The following ZNF568 variants were observed in gnomAD, a reference collection of about 807,000 sequenced individuals.
ZNF568 encodes the protein zinc finger protein 568, also known as p53 inhibitor of SCO2 activation.
In ZNF568, 11 loss-of-function variants were observed where a neutral mutation model predicts 18.1. The observed-to-expected ratio is 0.61, with a 90% CI of 0.38 to 1.00. ZNF568 has a LOEUF of 1.00. Ranked by LOEUF, ZNF568 falls within the 50% of genes least tolerant of loss-of-function variation. The pLI, the probability that ZNF568 is intolerant of heterozygous loss-of-function variation, is 0.01. For synonymous variants in ZNF568, 213 were observed against 246.6 expected, an observed-to-expected ratio of 0.86 and a Z score of 1.28; for missense variants, 639 against 768.2, an observed-to-expected ratio of 0.83 and a Z score of 1.99.
In ZNF568 at chr19:36,937,076, G is replaced by C. The variant is rs1433150445; in HGVS notation, c.263-71G>C. 3 of 1,505,384 alleles carry C rather than the reference G, an allele frequency of 2.0e-6. No individual in the cohort carries two copies. In the East Asian group the frequency reaches 6.8e-5, roughly 34 times the overall value. 93.3% of individuals were successfully genotyped at this position (1,505,384 alleles called of 1,614,324 possible). ...TCATCTTTTATAAGCCCTCAAGCTTGGACTTAGCCTAAGATCTGAATGGTT... is the reference window on the plus strand; with the variant it reads ...TCATCTTTTATAAGCCCTCAAGCTTCGACTTAGCCTAAGATCTGAATGGTT... On this transcript the variant is annotated intron_variant, in intron 5 of 6. Coordinates refer to ENST00000333987, the MANE Select transcript of ZNF568 (RefSeq NM_198539.4).
At chr19:36,968,534 C>G (rs2074211556) in intron 6 of ZNF568, among the ~76,000 whole-genome samples, 1 of 140,898 alleles carries the variant, frequency 7.1e-6, no homozygotes, top group South Asian at 2.3e-4. Context: ...CAGAGCAAGA[C>G]TCTGTCTCCA....
chr19:36,987,983 T>A (rs2146346500), intron 2 of ZNF568, among the ~76,000 whole-genome samples: 1 of 152,250 alleles, frequency 6.6e-6, no homozygotes, highest in South Asian at 2.1e-4. Flanking sequence ...CATGACTTGC[T>A]TTTTCTTCCT....
In ZNF568 at chr19:36,992,242, CAA is replaced by C. The variant is rs66941480; in HGVS notation, c.229+415_229+416del. Reference sequence around the variant, plus strand: ...TGGGCAACAGAGCAAGACTCCGTCTCAAAAAAAAAAAAAAAAAAAAGGAGGCC... The same window carrying C: ...TGGGCAACAGAGCAAGACTCCGTCTCAAAAAAAAAAAAAAAAAAGGAGGCC... On this transcript the variant is annotated intron_variant, in intron 4 of 4. Coordinates refer to the ZNF568 transcript ENST00000433993. Among the ~76,000 whole-genome samples the C allele has an allele frequency of 6.2e-3, 738 of 118,144 alleles. 6 individuals are homozygous for C. Among genetic ancestry groups the C allele is most frequent in the Non-Finnish European group, 7.6e-3 (435 of 56,894 alleles). 77.5% of individuals were successfully genotyped at this position (118,144 alleles called of 152,430 possible). A position where few individuals can be genotyped will look rare whatever the true frequency, so the allele number is the denominator to read the frequency against.
intron 2 of ZNF568, among the ~76,000 whole-genome samples, chr19:36,988,906 T>C (rs2074399431): frequency 6.6e-6 from 1 of 152,150 alleles, no homozygotes; most frequent in South Asian, 2.1e-4. Context: ...TATTTTATTG[T>C]TAAACCATAG....
At chr19:36,936,622 C>A in intron 4 of ZNF568, 124 bp from the exon 5 acceptor site, 2 of 876,650 alleles carry the variant, frequency 2.3e-6, no homozygotes, top group Non-Finnish European at 3.3e-6. Flanking sequence ...CTGCACCTTT[C>A]TCTCTTCTTC....
At chr19:36,925,861 C>A (rs1477580350) in intron 4 of ZNF568, among the ~76,000 whole-genome samples, 1 of 152,144 alleles carries the variant, frequency 6.6e-6, no homozygotes, top group Non-Finnish European at 1.5e-5. Flanking sequence ...ACAAATCCTA[C>A]ACCATTTTAT....
At chr19:36,982,764 C>T (rs552918494), downstream of ZNF568, among the ~76,000 whole-genome samples, 17 of 152,198 alleles carry the variant, frequency 1.1e-4, no homozygotes, top group East Asian at 2.5e-3. Flanking sequence ...AATCTGTTAA[C>T]GTGCCTAATA....
chr19:36,993,954 G>T (rs2074447062), intron 4 of ZNF568, among the ~76,000 whole-genome samples: 1 of 144,820 alleles, frequency 6.9e-6, no homozygotes, highest in African/African-American at 2.5e-5. Flanking sequence ...TTATGTTTTT[G>T]TTTATTCTTT....
intron 7 of ZNF568, among the ~76,000 whole-genome samples, chr19:36,976,914 A>T (rs1281118852): frequency 6.6e-6 from 1 of 151,994 alleles, no homozygotes; most frequent in African/African-American, 2.4e-5. Flanking sequence ...CCGTCTAAGA[A>T]AAAAAAAGAA....
intron 2 of ZNF568, among the ~76,000 whole-genome samples, chr19:36,987,236 G>C (rs1448508736): frequency 5.3e-5 from 8 of 152,262 alleles, no homozygotes; most frequent in Admixed American, 3.9e-4. Flanking sequence ...ATCTCGGTTT[G>C]GAACCAGGAT....
At chr19:36,959,449 T>C (rs2074131727) in intron 6 of ZNF568, among the ~76,000 whole-genome samples, 1 of 152,198 alleles carries the variant, frequency 6.6e-6, no homozygotes, top group South Asian at 2.1e-4. Context: ...TCTACCTTTG[T>C]CAGATATCAG....
chr19:36,919,881 T>G (rs1379023001), intron 2 of ZNF568, among the ~76,000 whole-genome samples: 1 of 152,148 alleles, frequency 6.6e-6, no homozygotes, highest in Non-Finnish European at 1.5e-5. Context: ...AACATAAAAT[T>G]ATGTACAGTA....
chr19:36,977,926 G>A (rs1042320044), intron 7 of ZNF568, among the ~76,000 whole-genome samples: 12 of 152,178 alleles, frequency 7.9e-5, no homozygotes, highest in African/African-American at 2.9e-4. Flanking sequence ...CTGGCAACCT[G>A]GGGTCCCCCA....
chr19:36,991,751 G>C (rs2074426013), exon 4 of ZNF568: 2 of 1,565,714 alleles, frequency 1.3e-6, no homozygotes, highest in Non-Finnish European at 1.7e-6. Flanking sequence ...TTTTGAGCAG[G>C]GCTTTCTGAT....
rs1220472269 is a variant in ZNF568, at chr19:36,949,547, C to T, written c.394C>T (p.Gln132Ter). The change falls in exon 7 of 7, where the codon CAG (glutamine) becomes TAG (stop). Residue 132 changes from glutamine to a stop codon, truncating the protein, a stop_gained. Coordinates refer to ENST00000333987, the MANE Select transcript of ZNF568 (RefSeq NM_198539.4). LOFTEE classifies it low-confidence loss of function (END_TRUNC). Reference protein sequence around the residue: ...WEVDEQIKKQQETLVRKVTSI... With the variant: ...WEVDEQIKKQ ...AGTTGATGAACAGATCAAGAAGCAA[C>T]AGGAAACACTTGTGAGGAAAGTCAC... 2 of 1,600,412 alleles carry T rather than the reference C, an allele frequency of 1.2e-6. No homozygotes were observed. Among genetic ancestry groups the T allele is most frequent in the Non-Finnish European group, 8.5e-7 (1 of 1,175,084 alleles).
intron 6 of ZNF568, among the ~76,000 whole-genome samples, chr19:36,959,439 T>C (rs556468407): frequency 1.3e-5 from 2 of 152,196 alleles, no homozygotes; most frequent in Non-Finnish European, 2.9e-5. Context: ...GATTTTTGCA[T>C]CTACCTTTGT....
intron 6 of ZNF568, among the ~76,000 whole-genome samples, chr19:36,972,080 G>A (rs997440207): frequency 2.0e-5 from 3 of 152,036 alleles, no homozygotes; most frequent in African/African-American, 7.2e-5. Context: ...TGATCCGCCC[G>A]CCTTGGCCTC....
At chr19:36,979,113 A>G (rs2074309880) in exon 8 of ZNF568, 1 of 251,142 alleles carries the variant, frequency 4.0e-6, no homozygotes, top group Non-Finnish European at 7.9e-6. Context: ...CCTCCCGAGT[A>G]GCTGGGATTA....
intron 6 of ZNF568, among the ~76,000 whole-genome samples, chr19:36,959,657 A>G (rs1386336711): frequency 1.3e-5 from 2 of 152,056 alleles, no homozygotes; most frequent in Non-Finnish European, 2.9e-5. Flanking sequence ...TGGTTGGGAC[A>G]CTTTTTATTA....
Sources: allele counts gnomAD v4.1 joint callset (sites outside exome capture counted in the v4.1 genomes callset), GRCh38; gene constraint gnomAD v4.1.1; transcripts MANE v1.5; gene names NCBI Gene and HGNC (gene_info 2026-07-23, HGNC 2026-07-21).